Variants in MYL10 observed in about 807,000 individuals in gnomAD.
The protein encoded by MYL10 is myosin regulatory light chain 10.
Under a neutral mutation model 21.9 loss-of-function variants are expected in MYL10, and 18 were observed. The ratio of observed to expected loss-of-function variants is 0.82; its 90% CI spans 0.57 to 1.22. The LOEUF (loss-of-function observed/expected upper bound fraction) is 1.22. Among genes scored for constraint, MYL10 ranks in the 50% most tolerant of loss-of-function variants. The pLI, the probability that MYL10 is intolerant of heterozygous loss-of-function variation, is 0.00. For synonymous variants in MYL10, 88 were observed against 82.8 expected (o/e 1.06, Z -0.34); for missense variants, 225 against 230.4 (o/e 0.98, Z 0.15).
chr7:101,622,827 AC>A (rs1342013507), intron 4 of MYL10, among the ~76,000 whole-genome samples, 169 bp downstream of exon 4: 1 of 149,462 alleles, frequency 6.7e-6, no homozygotes, highest in Non-Finnish European at 1.5e-5. Context: ...TCCTTCTCCA[AC>A]CCCCCAGGAA....
chr7:101,614,969 G>A (rs779059552), intron 6 of MYL10, among the ~76,000 whole-genome samples: 8 of 152,114 alleles, frequency 5.3e-5, no homozygotes, highest in Non-Finnish European at 1.2e-4. Context: ...GGACTGCGTC[G>A]GCACAGCTCA....
chr7:101,629,043 G>A lies in MYL10; in HGVS notation c.76C>T (p.Gln26Ter), dbSNP rs1796777964. The change falls in exon 1 of 8, where the codon CAG becomes TAG. Residue 26 changes from glutamine (Q) to a stop codon, truncating the protein, a stop_gained and splice_region_variant. Transcript: ENST00000223167. LOFTEE classifies it high-confidence loss of function. ...AGGCCAGGCACAGTGGCTCATACCT[G>A]TAATCCCAGCACTTTGGGAGGCCGA... The part of the protein sequence containing the change: ...PPRPPKVLGL[Q>*]APRRARKRAE... 1 of 448,298 alleles carries A rather than the reference G, an allele frequency of 2.2e-6. No homozygotes were observed. The highest frequency in any genetic ancestry group is 2.0e-5 in the African/African-American group (1 of 49,498). 27.8% of individuals were successfully genotyped at this position (448,298 alleles called of 1,614,324 possible).
intron 5 of MYL10, among the ~76,000 whole-genome samples, chr7:101,618,542 C>T (rs1315808456): frequency 6.6e-6 from 1 of 152,228 alleles, no homozygotes; most frequent in Non-Finnish European, 1.5e-5. Context: ...GGCTGGCAGT[C>T]CTCCCTTCTC....
At chr7:101,617,123 T>G (rs1013585008) in intron 5 of MYL10, among the ~76,000 whole-genome samples, 3 of 152,198 alleles carry the variant, frequency 2.0e-5, no homozygotes, top group African/African-American at 7.2e-5. Flanking sequence ...CCCTTTCCCC[T>G]TCTGTCACCA....
rs1327647872 is a variant in MYL10, at chr7:101,624,008, G to A, written c.185C>T (p.Ser62Leu). 2.0e-5 allele frequency: 12 copies of A among 608,572 alleles called. No individual in the cohort carries two copies. Among genetic ancestry groups the A allele is most frequent in the Middle Eastern group, 3.9e-4 (1 of 2,556 alleles). 37.7% of individuals were successfully genotyped at this position (608,572 alleles called of 1,614,324 possible). A position where few individuals can be genotyped will look rare whatever the true frequency, so the allele number is the denominator to read the frequency against. The change falls in exon 3 of 8, where the codon TCG (serine) becomes TTG (leucine). Residue 62 changes from serine to leucine, a missense_variant. Ser to Leu is a moderately radical substitution (Grantham distance 145). Coordinates refer to ENST00000223167, the MANE Select transcript of MYL10 (RefSeq NM_138403.5). ...CATGCCATTGCGCTCCAGCCTGGGC[G>A]ACAGAGCCAGACTCTGTCAAACAAA... ...IQEFKESLAL[S>L]PRLERNGMIS...
intron 6 of MYL10, among the ~76,000 whole-genome samples, chr7:101,615,201 G>C (rs948405490): frequency 3.9e-5 from 6 of 152,078 alleles, no homozygotes; most frequent in African/African-American, 1.4e-4. Flanking sequence ...CCTCTTGCCC[G>C]AGGCGGTGCT....
At chr7:101,617,347 T>C (rs1796620183) in intron 5 of MYL10, among the ~76,000 whole-genome samples, 1 of 152,222 alleles carries the variant, frequency 6.6e-6, no homozygotes, top group Non-Finnish European at 1.5e-5. Flanking sequence ...TTTAAGATTT[T>C]ATCCCCTGGA....
At position 101,618,235 on chromosome 7, in the gene MYL10, C is replaced by T. The variant is rs142652559; in HGVS notation, c.455-1937G>A. On this transcript the variant is annotated intron_variant, in intron 5 of 7. Coordinates refer to ENST00000223167, the MANE Select transcript of MYL10 (RefSeq NM_138403.5). ...GTGTGCCCAGCAGAGAGGCTCAGCC[C>T]AGGGTGCAGCGAGGGCAGGGCTCCA... Among the ~76,000 whole-genome samples the T allele has an allele frequency of 2.1e-4, 32 of 152,366 alleles. No homozygotes were observed. In the East Asian group the frequency reaches 6.0e-3, roughly 28 times the overall value.
intron 6 of MYL10, among the ~76,000 whole-genome samples, chr7:101,615,566 G>C (rs1442982673): frequency 7.0e-6 from 1 of 143,482 alleles, no homozygotes; most frequent in African/African-American, 2.6e-5. Flanking sequence ...GGCCCTCCAA[G>C]CTCTCTGTTC....
intron 5 of MYL10, among the ~76,000 whole-genome samples, chr7:101,616,571 G>A (rs184752443): frequency 6.6e-6 from 1 of 152,358 alleles, no homozygotes; most frequent in Admixed American, 6.5e-5. Context: ...TGTACACGGA[G>A]ACCCTGATTG....
At chr7:101,620,416 T>TAGAGACACCAGAGGCTGGGAGAGAC (rs1484964377) in intron 5 of MYL10, among the ~76,000 whole-genome samples, 4 of 151,858 alleles carry the variant, frequency 2.6e-5, no homozygotes, top group Admixed American at 1.3e-4. Context: ...ATGGGAGAGG[T>TAGAGACACCAGAGGCTGGGAGAGAC]AGAGCCACCA....
intron 1 of MYL10, among the ~76,000 whole-genome samples, chr7:101,627,719 C>T (rs560640766): frequency 2.0e-5 from 3 of 152,314 alleles, no homozygotes; most frequent in East Asian, 1.9e-4. Flanking sequence ...CCAGGATCTC[C>T]GAGAGCCCTG....
chr7:101,615,322 T>C (rs571948983), intron 6 of MYL10, among the ~76,000 whole-genome samples: 8 of 151,976 alleles, frequency 5.3e-5, no homozygotes, highest in Non-Finnish European at 1.2e-4. Context: ...ATGACCCTCC[T>C]GGGAGCTGCA....
rs150224436 is a variant in MYL10 at position 101,616,233 on chromosome 7, C to A, written c.520G>T (p.Val174Phe). The stretch of plus-strand genomic sequence containing the variant: ...GGGGAAACTTACACATCGGCCTTGA[C>A]GAAACCTTTCCCTTCAGTGTCGAAC... ...KVFDTEGKGF[V>F]KADVIKEKLM... The change falls in exon 6 of 8, where the codon GTC becomes TTC. Residue 174 changes from valine (V) to phenylalanine (F), a missense_variant. Physicochemically the swap from Val to Phe is conservative, Grantham distance 50. Transcript: ENST00000223167. 2.4e-5 allele frequency: 39 copies of A among 1,613,992 alleles called. 1 individual carries two copies. The Middle Eastern group carries it at 4.9e-4, about 20-fold the overall frequency.
intron 5 of MYL10, 46 bp from the exon 6 acceptor site, chr7:101,616,344 G>T: frequency 6.7e-7 from 1 of 1,498,008 alleles, no homozygotes; most frequent in Non-Finnish European, 9.3e-7. Context: ...GGTGAAGAGG[G>T]CCCCACAGGG....
At chr7:101,622,842 C>A (rs1053601506) in intron 4 of MYL10, among the ~76,000 whole-genome samples, 155 bp downstream of exon 4, 23 of 151,878 alleles carry the variant, frequency 1.5e-4, no homozygotes, top group African/African-American at 4.6e-4. Flanking sequence ...CCAGGAAGGT[C>A]CCCCCCTGAC....
At chr7:101,623,692 C>T (rs139982500) in intron 3 of MYL10, among the ~76,000 whole-genome samples, 2 of 84,036 alleles carry the variant, frequency 2.4e-5, no homozygotes, top group African/African-American at 1.1e-4. Context: ...AAGACCCTGT[C>T]TCAAAAAAAA....
chr7:101,622,333 T>G (rs1424143370), intron 4 of MYL10, 133 bp from the exon 5 acceptor site: 4 of 604,248 alleles, frequency 6.6e-6, no homozygotes, highest in East Asian at 3.2e-5. Context: ...GACGCCTTTT[T>G]GGGGGACTCT....
chr7:101,613,755 C>A (rs766920670), intron 6 of MYL10, 45 bp from the exon 7 acceptor site: 4 of 1,592,004 alleles, frequency 2.5e-6, no homozygotes. Context: ...ACGGGATACC[C>A]AGCTTGAACA....
Sources: allele counts gnomAD v4.1 joint callset (sites outside exome capture counted in the v4.1 genomes callset), GRCh38; gene constraint gnomAD v4.1.1; transcripts MANE v1.5; gene names NCBI Gene and HGNC (gene_info 2026-07-23, HGNC 2026-07-21).